PSAP: variants seen among roughly 807,000 people sequenced by gnomAD.
The protein encoded by PSAP is precursor of saposins.
In PSAP, 25 loss-of-function variants were observed where a neutral mutation model predicts 66.0. That is an observed-to-expected ratio of 0.38 (90% CI 0.28 to 0.53). PSAP has a LOEUF of 0.53. PSAP is among the 20% of genes least tolerant of loss of function. The pLI, the probability that PSAP is intolerant of heterozygous loss-of-function variation, is 0.83. For missense variants in PSAP, 649 were observed against 668.8 expected (o/e 0.97, Z 0.33); for synonymous variants, 273 against 258.9 (o/e 1.05, Z -0.52).
intron 1 of PSAP, among the ~76,000 whole-genome samples, chr10:71,842,522 G>C (rs1842748670): frequency 6.6e-6 from 1 of 152,140 alleles, no homozygotes; most frequent in African/African-American, 2.4e-5. Context: ...TAACTAATTA[G>C]TATATAGGGA....
intron 1 of PSAP, among the ~76,000 whole-genome samples, chr10:71,838,615 G>A (rs546787837): frequency 1.3e-5 from 2 of 152,296 alleles, no homozygotes; most frequent in South Asian, 4.1e-4. Context: ...TTAGCTGGAC[G>A]TGGTGGTGCA....
chr10:71,827,354 G>A (rs1402029435), intron 6 of PSAP, among the ~76,000 whole-genome samples: 1 of 149,084 alleles, frequency 6.7e-6, no homozygotes, highest in Non-Finnish European at 1.5e-5. Flanking sequence ...AGCCGAGATC[G>A]CGCCACTGCA....
chr10:71,834,284 G>A, intron 2 of PSAP, 88 bp downstream of exon 2: 1 of 1,593,296 alleles, frequency 6.3e-7, no homozygotes. Flanking sequence ...AAGAAAAAGT[G>A]CTCTGTCAAT....
intron 1 of PSAP, among the ~76,000 whole-genome samples, chr10:71,845,341 G>A (rs1435212567): frequency 1.3e-5 from 2 of 152,210 alleles, no homozygotes; most frequent in Admixed American, 1.3e-4. Context: ...CTCTACGGGG[G>A]CAGCTGGGTT....
rs747136921 is a variant in PSAP, at chr10:71,828,073, C to T, written c.661G>A (p.Ala221Thr). The T allele has an allele frequency of 4.3e-6, 7 of 1,614,068 alleles. No individual in the cohort carries two copies. In the East Asian group the frequency reaches 1.6e-4, roughly 36 times the overall value. ...AVRTNSTFVQ[A>T]LVEHVKEECD... ...TCCTCCTTGACATGTTCCACCAAGG[C>T]CTGGACAAAGGTGGAGTTGGTCCGT... The change falls in exon 6 of 14, where the codon GCC (alanine) becomes ACC (threonine). Residue 221 changes from alanine (A) to threonine (T), a missense_variant. Transcript: ENST00000394936.
Position 71,831,270 on chromosome 10 carries a change from G to A in PSAP, c.250-19C>T. ...TCTCCTCCTACGAGAGGACACCAGG[G>A]TCAGAATCACGATAGGCTTTCCTCC... is the stretch of plus-strand genomic sequence containing the variant. On this transcript the variant is annotated intron_variant, in intron 3 of 13. Transcript: ENST00000394936. 6.2e-7 allele frequency: 1 copy of A among 1,613,102 alleles called. No individual in the cohort carries two copies. Among genetic ancestry groups the A allele is most frequent in the Non-Finnish European group, 8.5e-7 (1 of 1,179,770 alleles).
At chr10:71,849,962 C>T (rs1589463039) in intron 1 of PSAP, among the ~76,000 whole-genome samples, 1 of 152,160 alleles carries the variant, frequency 6.6e-6, no homozygotes, top group African/African-American at 2.4e-5. Context: ...TCATACCCTA[C>T]AAACCATAAA....
chr10:71,828,261 G>A, intron 5 of PSAP, 104 bp from the exon 6 acceptor site: 1 of 1,215,438 alleles, frequency 8.2e-7, no homozygotes, highest in Non-Finnish European at 1.2e-6. Context: ...TTGCTGACCA[G>A]TTCCTAAGAT....
At chr10:71,830,403 A>G (rs1842489415) in intron 4 of PSAP, among the ~76,000 whole-genome samples, 1 of 152,214 alleles carries the variant, frequency 6.6e-6, no homozygotes, top group South Asian at 2.1e-4. Flanking sequence ...GGGTCCTGTC[A>G]GCTTCCGGAC....
rs147555039 is a variant in PSAP at position 71,840,148 on chromosome 10, G to A, written c.41-5643C>T. ...TATGCTTTTCCTTTTAAATATTTTA[G>A]TAACATGCTAAGTACAATTTGAATC... On this transcript the variant is annotated intron_variant, in intron 1 of 13. Coordinates refer to ENST00000394936, the MANE Select transcript of PSAP (RefSeq NM_002778.4). Among the ~76,000 whole-genome samples the A allele has an allele frequency of 7.9e-5, 12 of 151,824 alleles. No homozygotes were observed. The East Asian group carries it at 2.1e-3, about 27-fold the overall frequency.
intron 1 of PSAP, among the ~76,000 whole-genome samples, chr10:71,846,512 G>A (rs1842827298): frequency 6.6e-6 from 1 of 151,308 alleles, no homozygotes; most frequent in Admixed American, 6.6e-5. Flanking sequence ...ATCACTTGAG[G>A]TCAGGAGTTT....
chr10:71,848,213 G>A (rs1203990552), intron 1 of PSAP, among the ~76,000 whole-genome samples: 1 of 152,246 alleles, frequency 6.6e-6, no homozygotes, highest in East Asian at 1.9e-4. Context: ...TGGGTGAACA[G>A]GGGCCTCTGG....
chr10:71,840,690 C>CA (rs1396893937), intron 1 of PSAP, among the ~76,000 whole-genome samples: 7 of 152,188 alleles, frequency 4.6e-5, no homozygotes, highest in Non-Finnish European at 8.8e-5. Flanking sequence ...CCTCTGGCCT[C>CA]AAAGTGTTAA....
At chr10:71,835,838 AAC>A (rs1491047272) in intron 1 of PSAP, among the ~76,000 whole-genome samples, 7,280 of 133,664 alleles carry the variant, frequency 0.054, 496 homozygotes, top group East Asian at 0.17. Context: ...AAAAAAAAAA[AAC>A]AAAACACAAT....
intron 1 of PSAP, among the ~76,000 whole-genome samples, chr10:71,837,490 C>T (rs1360683627): frequency 6.6e-6 from 1 of 152,218 alleles, no homozygotes; most frequent in Non-Finnish European, 1.5e-5. Context: ...CTTCTCAGGT[C>T]CCAGCTGTGG....
rs575494549 is a variant in PSAP at position 71,825,266 on chromosome 10, C to T, written c.777+571G>A. The stretch of plus-strand genomic sequence containing the variant: ...GCCAATCAGATCTAAGGAGGCAGTG[C>T]CCGTTCCCAACGTGAGCAGGCCGCC... On this transcript the variant is annotated intron_variant, in intron 7 of 13. Transcript: ENST00000394936. Among the ~76,000 whole-genome samples, 3 of 152,326 alleles carry T rather than the reference C, an allele frequency of 2.0e-5. No individual in the cohort carries two copies. The South Asian group carries it at 6.2e-4, about 32-fold the overall frequency.
rs1842249996 is a variant in PSAP at position 71,819,515 on chromosome 10, C to T, written c.1300G>A (p.Ala434Thr). Residue 434 changes from alanine (A) to threonine (T), a missense_variant, in exon 11 of 14, where the codon GCT becomes ACT. By Grantham distance (58) the Ala-to-Thr change is moderately conservative (BLOSUM62 0). Coordinates refer to ENST00000394936, the MANE Select transcript of PSAP (RefSeq NM_002778.4). The stretch of plus-strand genomic sequence containing the variant: ...AAGCTGCAGCCTTTCTCAAGAGCAG[C>T]CAGGATCTCCTGCTTGGTGCTGTTT... ...EKNSTKQEIL[A>T]ALEKGCSFLP... The T allele has an allele frequency of 6.2e-7, 1 of 1,614,232 alleles. No homozygotes were observed. Among genetic ancestry groups the T allele is most frequent in the Non-Finnish European group, 8.5e-7 (1 of 1,180,054 alleles).
chr10:71,830,795 G>T (rs1842496329), intron 4 of PSAP, among the ~76,000 whole-genome samples: 1 of 150,012 alleles, frequency 6.7e-6, no homozygotes. Context: ...TAAATTCACA[G>T]AAGTGAGGTT....
chr10:71,816,588 CTA>C lies in PSAP; in HGVS notation c.*851_*852del. On this transcript the variant is annotated 3_prime_UTR_variant, in exon 14 of 14. Coordinates refer to ENST00000394936, the MANE Select transcript of PSAP (RefSeq NM_002778.4). ...TATTTGAAAAGGTCAAAAGGAGCAT[CTA>C]TGAGACAAGGGAGGGGTGCAGGCTG... 2 of 422,250 alleles carry C rather than the reference CTA, an allele frequency of 4.7e-6. No individual in the cohort carries two copies. Among genetic ancestry groups the C allele is most frequent in the Non-Finnish European group, 1.0e-5 (2 of 197,912 alleles). The allele number at this position is 422,250 out of a possible 1,614,324, so 26.2% of individuals were successfully genotyped here.
Sources: allele counts gnomAD v4.1 joint callset (sites outside exome capture counted in the v4.1 genomes callset), GRCh38; gene constraint gnomAD v4.1.1; transcripts MANE v1.5; gene names NCBI Gene and HGNC (gene_info 2026-07-23, HGNC 2026-07-21).